GLRA1: variants seen among roughly 807,000 people sequenced by gnomAD.
GLRA1 encodes the protein glycine receptor subunit alpha-1.
Under a neutral mutation model 48.3 loss-of-function variants are expected in GLRA1, and 37 were observed. The ratio of observed to expected loss-of-function variants is 0.77; its 90% CI spans 0.59 to 1.01. The LOEUF is 1.01. GLRA1 is among the 50% of genes least tolerant of loss of function. The pLI is 0.00. For missense variants in GLRA1, 427 were observed against 571.0 expected (o/e 0.75, Z 2.57); for synonymous variants, 196 against 210.7 (o/e 0.93, Z 0.60).
chr5:151,920,515 C>G (rs1245886399), intron 1 of GLRA1, among the ~76,000 whole-genome samples: 1 of 152,156 alleles, frequency 6.6e-6, no homozygotes, highest in Non-Finnish European at 1.5e-5. Context: ...ATTCATAACT[C>G]TATTTACCAG....
Position 151,822,826 on chromosome 5 carries a change from C to T in GLRA1, c.1197G>A (p.Lys399=). 6.2e-7 allele frequency: 1 copy of T among 1,614,090 alleles called. No homozygotes were observed. The highest frequency in any genetic ancestry group is 2.2e-5 in the East Asian group (1 of 44,874). Residue 399 remains lysine (K), a synonymous_variant, in exon 9 of 9, where the codon AAG becomes AAA. Transcript: ENST00000274576. ...NTTNPPPAPS[K]SPEEMRKLFI... The stretch of plus-strand genomic sequence containing the variant: ...AGAGTTTTCGCATCTCCTCTGGGGA[C>T]TTAGATGGTGCAGGAGGGGGGTTGG...
chr5:151,918,820 G>A (rs1250232714), intron 1 of GLRA1, among the ~76,000 whole-genome samples: 1 of 152,036 alleles, frequency 6.6e-6, no homozygotes, highest in African/African-American at 2.4e-5. Flanking sequence ...CACTGAGGCA[G>A]CCCACAGTAT....
chr5:151,867,515 T>C (rs780564090), intron 3 of GLRA1, among the ~76,000 whole-genome samples: 1 of 152,160 alleles, frequency 6.6e-6, no homozygotes, highest in Non-Finnish European at 1.5e-5. Flanking sequence ...CAGTTCAGTT[T>C]AGCTCAACCA....
chr5:151,915,721 A>ATATATG (rs1754722281), intron 1 of GLRA1, among the ~76,000 whole-genome samples: 1 of 140,196 alleles, frequency 7.1e-6, no homozygotes, highest in African/African-American at 3.1e-5. Flanking sequence ...TAATACATAT[A>ATATATG]TATATATATA....
At chr5:151,893,868 T>C (rs1754163053) in intron 1 of GLRA1, among the ~76,000 whole-genome samples, 3 of 152,246 alleles carry the variant, frequency 2.0e-5, no homozygotes, top group Admixed American at 1.3e-4. Flanking sequence ...CCTTTGGGTA[T>C]ATATTCAGTA....
At chr5:151,856,039 C>T (rs1467567396) in intron 5 of GLRA1, among the ~76,000 whole-genome samples, 3 of 152,220 alleles carry the variant, frequency 2.0e-5, no homozygotes, top group East Asian at 1.9e-4. Context: ...ATTTCTCCTC[C>T]GTTCACATTT....
chr5:151,910,107 A>G (rs543233095), intron 1 of GLRA1, among the ~76,000 whole-genome samples: 3 of 152,208 alleles, frequency 2.0e-5, no homozygotes, highest in East Asian at 3.9e-4. Flanking sequence ...TGTTCAGAAA[A>G]TTCTCCTAAA....
chr5:151,850,242 A>G, intron 7 of GLRA1: 2 of 1,604,812 alleles, frequency 1.2e-6, no homozygotes, highest in South Asian at 1.1e-5. Context: ...TGGAGCCAAG[A>G]TGGTGGGTAC....
Position 151,898,213 on chromosome 5 carries a change from CT to C in GLRA1, c.57-5776del, listed in dbSNP as rs75340537. 5.3e-3 allele frequency among the ~76,000 whole-genome samples: 770 copies of C among 145,740 alleles called. 6 individuals are homozygous for C. The highest frequency in any genetic ancestry group is 0.024 in the East Asian group (120 of 5,044). On this transcript the variant is annotated intron_variant, in intron 1 of 8. Coordinates refer to ENST00000274576, the MANE Select transcript of GLRA1 (RefSeq NM_000171.4). The stretch of plus-strand genomic sequence containing the variant: ...ATTTTATGAGTCTATAATATTCCTT[CT>C]TTTTTTTTTTTCATACACTGGTCTC...
rs139620068 is a variant in GLRA1 at position 151,876,655 on chromosome 5, T to C, written c.252+10066A>G. 5.9e-3 allele frequency among the ~76,000 whole-genome samples: 893 copies of C among 152,258 alleles called. 13 individuals are homozygous for C. Among genetic ancestry groups the C allele is most frequent in the African/African-American group, 0.021 (864 of 41,532 alleles). On this transcript the variant is annotated intron_variant, in intron 3 of 8. Transcript: ENST00000274576. ...TGGTTCCTGTTTACTTCTGGTACCA[T>C]AGGAGGATTATACTTCTCTTTGGGC...
chr5:151,824,090 A>G (rs1433012344), intron 8 of GLRA1, among the ~76,000 whole-genome samples: 2 of 150,970 alleles, frequency 1.3e-5, no homozygotes, highest in African/African-American at 4.9e-5. Flanking sequence ...CCAACAGAGA[A>G]AAACTCAGTA....
intron 1 of GLRA1, among the ~76,000 whole-genome samples, chr5:151,902,101 G>T (rs1457975983): frequency 6.6e-6 from 1 of 152,140 alleles, no homozygotes; most frequent in African/African-American, 2.4e-5. Flanking sequence ...GGAAAATATA[G>T]GTTGGGAACA....
chr5:151,840,505 G>T (rs137901828), intron 7 of GLRA1, among the ~76,000 whole-genome samples: 1 of 151,938 alleles, frequency 6.6e-6, no homozygotes, highest in Non-Finnish European at 1.5e-5. Flanking sequence ...ATACGAAATC[G>T]CATTTTTTAT....
rs538280475 is a variant in GLRA1 at position 151,878,821 on chromosome 5, C to A, written c.252+7900G>T. 3.7e-4 allele frequency among the ~76,000 whole-genome samples: 57 copies of A among 152,298 alleles called. 1 individual carries two copies. The South Asian group carries it at 0.011, about 30-fold the overall frequency. ...TAGATTTCAGAAGGTGTATGGAAACCCCTGGATGCCCAAGCAAAAGTCTGC... is the reference window on the plus strand; with the variant it reads ...TAGATTTCAGAAGGTGTATGGAAACACCTGGATGCCCAAGCAAAAGTCTGC... On this transcript the variant is annotated intron_variant, in intron 3 of 8. Coordinates refer to ENST00000274576, the MANE Select transcript of GLRA1 (RefSeq NM_000171.4).
In GLRA1 at chr5:151,822,778, G is replaced by C. The variant is rs759936512; in HGVS notation, c.1245C>G (p.Ile415Met). 1 of 1,613,852 alleles carries C rather than the reference G, an allele frequency of 6.2e-7. No homozygotes were observed. The highest frequency in any genetic ancestry group is 1.1e-5 in the South Asian group (1 of 91,072). Reference protein sequence around the residue: ...RKLFIQRAKKIDKISRIGFPM... With the variant: ...RKLFIQRAKKMDKISRIGFPM... The stretch of plus-strand genomic sequence containing the variant: ...GGAAGCCAATGCGGGATATTTTGTC[G>C]ATCTTCTTGGCCCTCTGGATGAAGA... The change falls in exon 9 of 9, where the codon ATC (isoleucine) becomes ATG (methionine). Residue 415 changes from isoleucine to methionine, a missense_variant. This residue lies in a region of GLRA1 where 121 missense variants were observed against 96.5 expected (regional missense o/e 1.25). Transcript: ENST00000274576.
chr5:151,899,901 C>T (rs773678339), intron 1 of GLRA1, among the ~76,000 whole-genome samples: 24 of 152,090 alleles, frequency 1.6e-4, no homozygotes, highest in South Asian at 4.1e-4. Context: ...CTATAGGGAA[C>T]GCTTATCTGA....
chr5:151,911,235 C>T (rs980264263), intron 1 of GLRA1, among the ~76,000 whole-genome samples: 3 of 152,120 alleles, frequency 2.0e-5, no homozygotes. Flanking sequence ...TTCTTTATGG[C>T]CCAGTTTAAT....
chr5:151,922,136 T>C (rs962770867), intron 1 of GLRA1, among the ~76,000 whole-genome samples: 2 of 152,230 alleles, frequency 1.3e-5, no homozygotes, highest in African/African-American at 4.8e-5. Flanking sequence ...CATCATTTAT[T>C]CTAAGGAGTA....
chr5:151,868,314 A>C (rs76979163), intron 3 of GLRA1, among the ~76,000 whole-genome samples: 1 of 152,152 alleles, frequency 6.6e-6, no homozygotes. Context: ...TAAATTCAGA[A>C]TTAATAATAA....
Sources: allele counts gnomAD v4.1 joint callset (sites outside exome capture counted in the v4.1 genomes callset), GRCh38; gene constraint gnomAD v4.1.1; regional missense constraint gnomAD v4.1.1; transcripts MANE v1.5; gene names NCBI Gene and HGNC (gene_info 2026-07-23, HGNC 2026-07-21).